Variants in ACADS observed in about 807,000 individuals in gnomAD.
The protein encoded by ACADS is acyl-CoA dehydrogenase short chain.
In ACADS, 28 loss-of-function variants were observed where a neutral mutation model predicts 46.8. The observed-to-expected ratio is 0.60, with a 90% CI of 0.44 to 0.82. The LOEUF (loss-of-function observed/expected upper bound fraction) is 0.82. Among genes scored for constraint, ACADS ranks in the 40% least tolerant of loss-of-function variants. ACADS has a pLI of 0.00. For synonymous variants in ACADS, 236 were observed against 237.7 expected (o/e 0.99, Z 0.07); for missense variants, 528 against 578.0 (o/e 0.91, Z 0.89).
chr12:120,732,033 T>C (rs1324669969), intron 2 of ACADS, among the ~76,000 whole-genome samples: 1 of 152,272 alleles, frequency 6.6e-6, no homozygotes, highest in Non-Finnish European at 1.5e-5. Context: ...CCATGTCTAC[T>C]TCTTTCTACA....
chr12:120,735,371 A>C (rs1023060657), intron 2 of ACADS, among the ~76,000 whole-genome samples: 2 of 150,442 alleles, frequency 1.3e-5, no homozygotes, highest in Non-Finnish European at 3.0e-5. Context: ...AAAAAAAAAA[A>C]AAACAACTTG....
rs1443405257 is a variant in ACADS, at chr12:120,738,411, C to T, written c.756C>T (p.Ser252=). 6.2e-7 allele frequency: 1 copy of T among 1,613,268 alleles called. No homozygotes were observed. Among genetic ancestry groups the T allele is most frequent in the Non-Finnish European group, 8.5e-7 (1 of 1,180,036 alleles). ...AGGACTGTCGCATCCCCAAGGACAG[C>T]ATCCTGGGGGAGCCAGGGATGGGCT... is the stretch of plus-strand genomic sequence containing the variant. ...IFEDCRIPKD[S]ILGEPGMGFK... is the part of the protein sequence containing the mutation. Residue 252 remains serine (S), a synonymous_variant, in exon 6 of 10, where the codon AGC becomes AGT. Coordinates refer to ENST00000242592, the MANE Select transcript of ACADS (RefSeq NM_000017.4).
chr12:120,726,466 T>A lies in ACADS; in HGVS notation c.46+535T>A, dbSNP rs77061666. 6.8e-3 allele frequency among the ~76,000 whole-genome samples: 1,033 copies of A among 152,346 alleles called. 7 individuals are homozygous for A. The highest frequency in any genetic ancestry group is 0.025 in the South Asian group (123 of 4,830). ...CTTTCCCATCTTACGTGTCTCCAGT[T>A]GTAGCAGCCGTGACACATATAGCCA... is the stretch of plus-strand genomic sequence containing the variant. On this transcript the variant is annotated intron_variant, in intron 1 of 9. Transcript: ENST00000242592.
intron 2 of ACADS, among the ~76,000 whole-genome samples, chr12:120,733,657 A>T (rs1883343126): frequency 6.6e-6 from 1 of 151,888 alleles, no homozygotes; most frequent in Non-Finnish European, 1.5e-5. Flanking sequence ...TGGCGGCCAC[A>T]GAACAATCTT....
chr12:120,738,828 GGCA>G lies in ACADS; in HGVS notation c.944_946del (p.Ala315del), dbSNP rs1290727105. On this transcript the variant is annotated inframe_deletion, in exon 8 of 10. Coordinates refer to ENST00000242592, the MANE Select transcript of ACADS (RefSeq NM_000017.4). ...GGGTGGGGCTATTGCAGTTCAAGTT[GGCA>G]GACATGGCCCTGGCCCTGGAGAGTG... 6.2e-7 allele frequency: 1 copy of G among 1,613,870 alleles called. No individual in the cohort carries two copies. Among genetic ancestry groups the G allele is most frequent in the African/African-American group, 1.3e-5 (1 of 74,946 alleles).
chr12:120,732,543 G>T (rs148589034), intron 2 of ACADS, among the ~76,000 whole-genome samples: 3 of 151,358 alleles, frequency 2.0e-5, no homozygotes, highest in South Asian at 2.1e-4. Flanking sequence ...CCTCCCAGAC[G>T]GGGTGGCGGT....
At chr12:120,727,237 A>G in intron 2 of ACADS, 48 bp downstream of exon 2, 4 of 1,612,112 alleles carry the variant, frequency 2.5e-6, no homozygotes, top group Non-Finnish European at 3.4e-6. Flanking sequence ...GCCCTCTGCT[A>G]CTGGATGAAT....
At chr12:120,738,206 T>C in intron 5 of ACADS, 74 bp from the exon 6 acceptor site, 1 of 1,609,496 alleles carries the variant, frequency 6.2e-7, no homozygotes, top group East Asian at 2.2e-5. Context: ...GGGGACCGGG[T>C]TGGTGTTGGG....
intron 4 of ACADS, 31 bp from the exon 5 acceptor site, chr12:120,737,806 C>G (rs754145058): frequency 9.3e-6 from 15 of 1,613,116 alleles, no homozygotes; most frequent in African/African-American, 8.0e-5. Context: ...TGGGGTGGGG[C>G]GTGCGCTGAG....
At chr12:120,735,348 TAAAAA>T (rs756263687) in intron 2 of ACADS, among the ~76,000 whole-genome samples, 2 of 72,272 alleles carry the variant, frequency 2.8e-5, no homozygotes, top group African/African-American at 1.1e-4. Flanking sequence ...GCGCAGTCCT[TAAAAA>T]AAAAAAAAAA....
At chr12:120,737,156 CT>C in intron 3 of ACADS, 21 bp downstream of exon 3, 1 of 1,565,598 alleles carries the variant, frequency 6.4e-7, no homozygotes, top group Non-Finnish European at 8.7e-7. Context: ...TCCCAGGCCC[CT>C]GGGACACACG....
In ACADS at chr12:120,738,026, G is replaced by T. The variant is rs1242256060; in HGVS notation, c.624+38G>T. The stretch of plus-strand genomic sequence containing the variant: ...AGAGAGGGGTTCAGCCGGATCCTGG[G>T]CTGCTGTCATTTCTGTTTCTAGGGC... On this transcript the variant is annotated intron_variant, in intron 5 of 9. Coordinates refer to ENST00000242592, the MANE Select transcript of ACADS (RefSeq NM_000017.4). 2.5e-6 allele frequency: 4 copies of T among 1,612,080 alleles called. No individual in the cohort carries two copies. In the African/African-American group the frequency reaches 5.3e-5, roughly 21 times the overall value.
At chr12:120,737,543 G>C (rs1294334768) in intron 4 of ACADS, 76 bp downstream of exon 4, 20 of 1,370,824 alleles carry the variant, frequency 1.5e-5, no homozygotes, top group Non-Finnish European at 2.1e-5. Flanking sequence ...TAGGCCAACT[G>C]CCCACTGCTT....
intron 3 of ACADS, 42 bp from the exon 4 acceptor site, chr12:120,737,314 C>T (rs1201274758): frequency 1.9e-6 from 3 of 1,592,748 alleles, no homozygotes; most frequent in East Asian, 4.5e-5. Context: ...GCAGGATGCG[C>T]CTGGGCCTGG....
chr12:120,726,040 T>C (rs1374919548), intron 1 of ACADS, 109 bp downstream of exon 1: 63 of 1,187,352 alleles, frequency 5.3e-5, no homozygotes, highest in Non-Finnish European at 6.9e-5. Flanking sequence ...GGAGCCCCAC[T>C]CCGGGAGCGC....
chr12:120,732,845 C>G (rs954904661), intron 2 of ACADS, among the ~76,000 whole-genome samples: 1 of 141,684 alleles, frequency 7.1e-6, no homozygotes, highest in South Asian at 2.3e-4. Flanking sequence ...ACTGCAATCT[C>G]GGCACTTTGG....
At chr12:120,737,332 G>A (rs760380153) in intron 3 of ACADS, 24 bp from the exon 4 acceptor site, 18 of 1,608,868 alleles carry the variant, frequency 1.1e-5, no homozygotes, top group Admixed American at 1.7e-5. Context: ...TGGGGCCTCC[G>A]ACCGCTCCCC....
At chr12:120,726,039 C>A in intron 1 of ACADS, 108 bp downstream of exon 1, 2 of 1,195,026 alleles carry the variant, frequency 1.7e-6, no homozygotes, top group South Asian at 1.6e-5. Context: ...CGGAGCCCCA[C>A]TCCGGGAGCG....
intron 4 of ACADS, 56 bp from the exon 5 acceptor site, chr12:120,737,781 T>C: frequency 6.2e-7 from 1 of 1,608,566 alleles, no homozygotes. Context: ...GTGAGGCTGG[T>C]GCCCTTAGGT....
Sources: gnomAD v4.1 joint callset for allele counts (sites outside exome capture counted in the v4.1 genomes callset) on GRCh38, gnomAD v4.1.1 for gene constraint, MANE v1.5 for transcripts, NCBI Gene and HGNC (gene_info 2026-07-23, HGNC 2026-07-21) for gene names.